Variants in ZXDC observed in about 807,000 individuals in gnomAD.
The protein encoded by ZXDC is zinc finger protein ZXDC.
In ZXDC, 58 loss-of-function variants were observed where a neutral mutation model predicts 63.6. The ratio of observed to expected loss-of-function variants is 0.91; its 90% CI spans 0.74 to 1.13. ZXDC has a LOEUF of 1.13. Among genes scored for constraint, ZXDC ranks in the 50% most tolerant of loss-of-function variants. The pLI, the probability that ZXDC is intolerant of heterozygous loss-of-function variation, is 0.00. For missense variants in ZXDC, 1,133 were observed against 1,148.9 expected (o/e 0.99, Z 0.20); for synonymous variants, 561 against 496.1 (o/e 1.13, Z -1.74).
At chr3:126,451,876 TC>T (rs1302999291) in intron 7 of ZXDC, 3 of 984,850 alleles carry the variant, frequency 3.0e-6, no homozygotes, top group Non-Finnish European at 3.6e-6. Context: ...ATGGCAGGTC[TC>T]CACCTCATAG....
chr3:126,451,735 G>C, intron 7 of ZXDC: 1 of 985,368 alleles, frequency 1.0e-6, no homozygotes, highest in Non-Finnish European at 1.2e-6. Context: ...TCTGCACCAT[G>C]ATCTCACGCT....
At chr3:126,463,087 G>C (rs74816412) in intron 5 of ZXDC, among the ~76,000 whole-genome samples, 27 of 149,376 alleles carry the variant, frequency 1.8e-4, no homozygotes, top group Admixed American at 4.0e-4. Context: ...TATTTTTTTT[G>C]AGAGGGAGTC....
At chr3:126,464,288 C>CAG (rs1304750265) in intron 5 of ZXDC, among the ~76,000 whole-genome samples, 4 of 152,234 alleles carry the variant, frequency 2.6e-5, no homozygotes, top group Admixed American at 2.6e-4. Flanking sequence ...CACCACAGTT[C>CAG]AAAGCCCAGC....
chr3:126,457,070 AG>A (rs1232220739), intron 7 of ZXDC, among the ~76,000 whole-genome samples: 1 of 152,250 alleles, frequency 6.6e-6, no homozygotes, highest in African/African-American at 2.4e-5. Flanking sequence ...GGGAGGGCCA[AG>A]GCCCTCAACC....
chr3:126,474,104 G>A (rs1383429542), intron 1 of ZXDC, among the ~76,000 whole-genome samples: 9 of 142,622 alleles, frequency 6.3e-5, no homozygotes, highest in African/African-American at 1.6e-4. Context: ...TCGCTCTGTC[G>A]CCCCGGCTGG....
chr3:126,473,989 G>A (rs1479953090), intron 1 of ZXDC, among the ~76,000 whole-genome samples: 1 of 151,966 alleles, frequency 6.6e-6, no homozygotes, highest in Non-Finnish European at 1.5e-5. Context: ...TCCTGGTGAA[G>A]AGCTCACTGT....
rs766651549 is a variant in ZXDC, at chr3:126,472,172, A to T, written c.1041T>A (p.Ile347=). The change falls in exon 2 of 10, where the codon ATT becomes ATA. Residue 347 remains isoleucine (I), a synonymous_variant. Coordinates refer to ENST00000389709, the MANE Select transcript of ZXDC (RefSeq NM_025112.5). The part of the protein sequence containing the change: ...KQYDKACRLK[I]HLRSHTGERP... ...CATTACCTGTATGGCTCCGCAGGTG[A>T]ATTTTCAGCCGACAGGCTTTATCAT... 7.3e-5 allele frequency: 118 copies of T among 1,609,900 alleles called. 1 individual carries two copies. Among genetic ancestry groups the T allele is most frequent in the Middle Eastern group, 3.3e-4 (2 of 6,074 alleles).
intron 1 of ZXDC, among the ~76,000 whole-genome samples, chr3:126,474,533 G>A (rs954710116): frequency 3.3e-5 from 5 of 152,166 alleles, no homozygotes; most frequent in African/African-American, 1.2e-4. Flanking sequence ...GCACACCTGT[G>A]GCTATCCTCC....
intron 7 of ZXDC, 168 bp downstream of exon 7, chr3:126,459,485 A>C (rs140945676): frequency 3.0e-6 from 3 of 985,462 alleles, no homozygotes; most frequent in Non-Finnish European, 2.4e-6. Flanking sequence ...TTTTGTTACT[A>C]ATTTTTTCCC....
At chr3:126,454,610 G>T in intron 7 of ZXDC, 1 of 985,416 alleles carries the variant, frequency 1.0e-6, no homozygotes, top group Middle Eastern at 5.2e-4. Context: ...CTTGAAAGGA[G>T]AGGTGCCCTC....
chr3:126,464,577 T>A (rs1289040679), intron 5 of ZXDC, among the ~76,000 whole-genome samples: 4 of 152,008 alleles, frequency 2.6e-5, no homozygotes, highest in East Asian at 1.9e-4. Context: ...GATACATAGG[T>A]TGCTACAGAA....
rs548410263 is a variant in ZXDC at position 126,465,345 on chromosome 3, T to C, written c.1441+810A>G. Among the ~76,000 whole-genome samples the C allele has an allele frequency of 2.0e-5, 3 of 152,348 alleles. No homozygotes were observed. In the East Asian group the frequency reaches 5.8e-4, roughly 29 times the overall value. On this transcript the variant is annotated intron_variant, in intron 5 of 9. Coordinates refer to ENST00000389709, the MANE Select transcript of ZXDC (RefSeq NM_025112.5). ...AGAAGGCCTAGTGGGGTAGGTTTCC[T>C]AGTCCCATGCTGCAAAGCTGCCCAA...
chr3:126,447,840 C>T lies in ZXDC; in HGVS notation c.2213-5894G>A, dbSNP rs761969016. Among the ~76,000 whole-genome samples the T allele has an allele frequency of 2.6e-5, 4 of 152,224 alleles. No individual in the cohort carries two copies. The South Asian group carries it at 8.3e-4, about 31-fold the overall frequency. On this transcript the variant is annotated intron_variant, in intron 7 of 9. Transcript: ENST00000389709. ...AGGCTGCCTCGCCCCACATCACCCT[C>T]GCCCGCTGTCCATGTGCTGGTATTT...
rs566043642 is a variant in ZXDC, at chr3:126,438,275, G to C, written c.*100C>G. ...CTCAAAAGGGCTACGCTGGTCTTCT[G>C]AACGGAAACCAAATGAGGTCTCCCC... is the stretch of plus-strand genomic sequence containing the variant. On this transcript the variant is annotated 3_prime_UTR_variant, in exon 10 of 10. Transcript: ENST00000389709. 62 of 1,009,058 alleles carry C rather than the reference G, an allele frequency of 6.1e-5. 1 individual carries two copies. In the South Asian group the frequency reaches 7.9e-4, roughly 13 times the overall value. 62.5% of individuals were successfully genotyped at this position (1,009,058 alleles called of 1,614,324 possible).
intron 1 of ZXDC, 92 bp downstream of exon 1, chr3:126,474,867 A>G: frequency 7.2e-7 from 1 of 1,384,646 alleles, no homozygotes; most frequent in Non-Finnish European, 9.6e-7. Flanking sequence ...CCGGCTTGCT[A>G]AGGTCTGGCA....
At chr3:126,449,815 A>G (rs1934028958) in intron 7 of ZXDC, among the ~76,000 whole-genome samples, 1 of 152,230 alleles carries the variant, frequency 6.6e-6, no homozygotes, top group African/African-American at 2.4e-5. Flanking sequence ...GGTGTCTGCC[A>G]TGCAGACTGA....
intron 4 of ZXDC, among the ~76,000 whole-genome samples, chr3:126,468,704 G>C (rs1934867182): frequency 6.6e-6 from 1 of 152,180 alleles, no homozygotes; most frequent in Non-Finnish European, 1.5e-5. Flanking sequence ...CAGGGCACCA[G>C]AGCAGGACTC....
chr3:126,474,739 C>A (rs1935113685), intron 1 of ZXDC, among the ~76,000 whole-genome samples: 1 of 152,258 alleles, frequency 6.6e-6, no homozygotes, highest in South Asian at 2.1e-4. Flanking sequence ...CTTTGGGAAG[C>A]GCAGCTGTGG....
At chr3:126,467,998 A>G (rs1474457697) in intron 4 of ZXDC, among the ~76,000 whole-genome samples, 1 of 152,222 alleles carries the variant, frequency 6.6e-6, no homozygotes, top group African/African-American at 2.4e-5. Flanking sequence ...TGCGACAACC[A>G]GGAATGTAAT....
Sources: allele counts gnomAD v4.1 joint callset (sites outside exome capture counted in the v4.1 genomes callset), GRCh38; gene constraint gnomAD v4.1.1; transcripts MANE v1.5; gene names NCBI Gene and HGNC (gene_info 2026-07-23, HGNC 2026-07-21).